The following FBN1 variants were observed in gnomAD, a reference collection of about 807,000 sequenced individuals.
FBN1 encodes the protein fibrillin 1.
A neutral mutation model predicts 365.1 loss-of-function variants in FBN1; 29 were observed. The ratio of observed to expected loss-of-function variants is 0.08; its 90% CI spans 0.06 to 0.11. FBN1 has a LOEUF of 0.11. Among genes scored for constraint, FBN1 ranks in the 10% least tolerant of loss-of-function variants. FBN1 has a pLI of 1.00. For missense variants in FBN1, 2,476 were observed against 3,703.2 expected, an observed-to-expected ratio of 0.67 and a Z score of 8.60; for synonymous variants, 1,210 against 1,270.5, an observed-to-expected ratio of 0.95 and a Z score of 1.01.
At chr15:48,478,280 A>G (rs985400585) in intron 32 of FBN1, among the ~76,000 whole-genome samples, 3 of 152,210 alleles carry the variant, frequency 2.0e-5, no homozygotes, top group Admixed American at 2.0e-4. Flanking sequence ...ATTAGCAGTG[A>G]TAAGAAACTG....
chr15:48,643,317 C>G (rs1305589831), intron 2 of FBN1: 1 of 152,156 alleles, frequency 6.6e-6, no homozygotes, highest in African/African-American at 2.4e-5. Context: ...CCAACATTAT[C>G]GGAATTCTGG....
chr15:48,560,527 C>G (rs1456318744), intron 6 of FBN1, among the ~76,000 whole-genome samples: 1 of 152,076 alleles, frequency 6.6e-6, no homozygotes, highest in African/African-American at 2.4e-5. Flanking sequence ...ATTCCCCATC[C>G]CCTTGGTAGT....
chr15:48,598,413 T>A (rs558363209), intron 5 of FBN1, among the ~76,000 whole-genome samples: 3 of 152,220 alleles, frequency 2.0e-5, no homozygotes, highest in Admixed American at 2.0e-4. Context: ...ATTGATGTTG[T>A]TAGTGTTGTT....
Position 48,585,901 on chromosome 15 carries a change from G to A in FBN1, c.538+10382C>T, listed in dbSNP as rs566519332. On this transcript the variant is annotated intron_variant, in intron 6 of 65. Transcript: ENST00000316623. ...GATGATTTATGTTTCACTTAGTAAA[G>A]AAAATATTTTTAAGGAAACTTAAAT... Among the ~76,000 whole-genome samples, 29 of 152,176 alleles carry A rather than the reference G, an allele frequency of 1.9e-4. No individual in the cohort carries two copies. The East Asian group carries it at 4.6e-3, about 24-fold the overall frequency.
At position 48,496,142 on chromosome 15, in the gene FBN1, G is replaced by A. The variant is rs767639889; in HGVS notation, c.2377C>T (p.Pro793Ser). 1.9e-6 allele frequency: 3 copies of A among 1,613,566 alleles called. No individual in the cohort carries two copies. The highest frequency in any genetic ancestry group is 2.7e-5 in the African/African-American group (2 of 74,832). ...TCAGGTTTGTAGATAAATCCCTTGG[G>A]GCAGGTACAGACAAAACTTCCAGGA... ...NTPGSFVCTC[P>S]KGFIYKPDLK... Residue 793 changes from proline to serine, a missense_variant, in exon 20 of 66, where the codon CCC (proline) becomes TCC (serine). Around this residue, in one of 5 missense-constraint regions of FBN1, gnomAD observed 1,780 missense variants for 2,840.8 expected, o/e 0.63. Transcript: ENST00000316623.
intron 17 of FBN1, among the ~76,000 whole-genome samples, chr15:48,503,320 A>T (rs980036691): frequency 3.3e-5 from 5 of 151,172 alleles, no homozygotes; most frequent in Non-Finnish European, 5.9e-5. Flanking sequence ...AAAAAGAAGA[A>T]GAAGAAGAAG....
chr15:48,591,838 T>C (rs539823057), intron 6 of FBN1, among the ~76,000 whole-genome samples: 2 of 152,132 alleles, frequency 1.3e-5, no homozygotes, highest in South Asian at 2.1e-4. Context: ...CCCTTTCCAG[T>C]GAAGTCCAAG....
intron 6 of FBN1, among the ~76,000 whole-genome samples, chr15:48,576,386 T>C (rs1034950553): frequency 1.3e-5 from 2 of 152,148 alleles, no homozygotes; most frequent in Admixed American, 6.5e-5. Context: ...AAATGTTTTT[T>C]TCCCCCTCTA....
chr15:48,483,094 C>T (rs1374805154), intron 31 of FBN1, among the ~76,000 whole-genome samples: 1 of 152,138 alleles, frequency 6.6e-6, no homozygotes. Context: ...GGTATCCAAT[C>T]AAAAATTACC....
chr15:48,487,472 G>C, intron 27 of FBN1, 35 bp from the exon 28 acceptor site: 1 of 1,610,786 alleles, frequency 6.2e-7, no homozygotes, highest in African/African-American at 1.3e-5. Flanking sequence ...AAAGGTGGGG[G>C]CCTCATCTCC....
Position 48,494,248 on chromosome 15 carries a change from A to G in FBN1, c.2684T>C (p.Ile895Thr), listed in dbSNP as rs1488064078. ...AATTCTTGAGTACCCTTTACCACAT[A>G]TGGGATCTGTAATAAAAAGCGAAAA... ...SPCTLCQVDP[I>T]CGKGYSRIKG... is the part of the protein sequence containing the mutation. The change falls in exon 23 of 66, where the codon ATA becomes ACA. Residue 895 changes from isoleucine (I) to threonine (T), a missense_variant. This residue lies in a region of FBN1 where 1,780 missense variants were observed against 2,840.8 expected (regional missense o/e 0.63). Transcript: ENST00000316623. 2 of 1,612,548 alleles carry G rather than the reference A, an allele frequency of 1.2e-6. No homozygotes were observed. Among genetic ancestry groups the G allele is most frequent in the African/African-American group, 1.3e-5 (1 of 74,898 alleles).
intron 17 of FBN1, 129 bp from the exon 18 acceptor site, chr15:48,499,167 G>T: frequency 2.2e-6 from 2 of 897,152 alleles, no homozygotes; most frequent in South Asian, 2.7e-5. Context: ...GGAAAAGGAG[G>T]TATCTCCCCA....
At chr15:48,488,586 A>AC in intron 25 of FBN1, 93 bp from the exon 26 acceptor site, 1 of 1,463,010 alleles carries the variant, frequency 6.8e-7, no homozygotes, top group African/African-American at 1.4e-5. Context: ...GAAGGTTGGA[A>AC]GTTCTTGATT....
At chr15:48,500,355 T>TA (rs746562250) in intron 17 of FBN1, among the ~76,000 whole-genome samples, 4 of 152,316 alleles carry the variant, frequency 2.6e-5, no homozygotes, top group Admixed American at 6.5e-5. Context: ...CAGGATCTGG[T>TA]ACTAGACCAT....
intron 15 of FBN1, among the ~76,000 whole-genome samples, chr15:48,506,110 C>A (rs574484898): frequency 1.3e-5 from 2 of 152,184 alleles, no homozygotes; most frequent in East Asian, 3.9e-4. Context: ...ATAATCCCAG[C>A]AACTTGGGAG....
At chr15:48,624,974 A>G (rs1029816394) in intron 2 of FBN1, among the ~76,000 whole-genome samples, 4 of 152,192 alleles carry the variant, frequency 2.6e-5, no homozygotes, top group African/African-American at 7.2e-5. Flanking sequence ...GTCCAGGGAG[A>G]TAATATCTTC....
chr15:48,640,193 T>C (rs1442513669), intron 2 of FBN1, among the ~76,000 whole-genome samples: 1 of 152,208 alleles, frequency 6.6e-6, no homozygotes, highest in East Asian at 1.9e-4. Context: ...AACTTACACA[T>C]TTTTATAAAC....
intron 2 of FBN1, among the ~76,000 whole-genome samples, chr15:48,638,181 T>A (rs1890130151): frequency 6.6e-6 from 1 of 152,032 alleles, no homozygotes; most frequent in Non-Finnish European, 1.5e-5. Context: ...ATTACAGGAA[T>A]GAGCCACCAT....
intron 2 of FBN1, among the ~76,000 whole-genome samples, chr15:48,633,781 G>C (rs1259528876): frequency 6.6e-6 from 1 of 152,194 alleles, no homozygotes; most frequent in African/African-American, 2.4e-5. Flanking sequence ...AGAACTTGCA[G>C]ATACCAGTCC....
Sources: allele counts gnomAD v4.1 joint callset (sites outside exome capture counted in the v4.1 genomes callset), GRCh38; gene constraint gnomAD v4.1.1; regional missense constraint gnomAD v4.1.1; transcripts MANE v1.5; gene names NCBI Gene and HGNC (gene_info 2026-07-23, HGNC 2026-07-21).